Variants in BIVM observed in about 807,000 individuals in gnomAD.
BIVM encodes the protein basic, immunoglobulin-like variable motif containing.
Under a neutral mutation model 61.4 loss-of-function variants are expected in BIVM, and 31 were observed. The ratio of observed to expected loss-of-function variants is 0.51; its 90% CI spans 0.38 to 0.68. The LOEUF (loss-of-function observed/expected upper bound fraction) is 0.68, where lower values mean the gene tolerates loss of function less well. Among genes scored for constraint, BIVM ranks in the 30% least tolerant of loss-of-function variants. The probability of loss-of-function intolerance (pLI) is 0.00; values close to 1 mark genes in which losing one functional copy is unlikely to be tolerated. For synonymous variants in BIVM, 189 were observed against 210.7 expected (o/e 0.90, Z 0.89); for missense variants, 526 against 596.0 (o/e 0.88, Z 1.22).
chr13:102,804,573 A>G (rs1878945489), intron 1 of BIVM, among the ~76,000 whole-genome samples: 1 of 152,170 alleles, frequency 6.6e-6, no homozygotes, highest in African/African-American at 2.4e-5. Flanking sequence ...GGCCTCCTAC[A>G]GTGCTGGGAT....
At chr13:102,838,134 A>T (rs916358387) in intron 9 of BIVM, among the ~76,000 whole-genome samples, 2 of 152,188 alleles carry the variant, frequency 1.3e-5, no homozygotes, top group Non-Finnish European at 2.9e-5. Context: ...GATTTTTTTA[A>T]AATTTCATTT....
intron 7 of BIVM, among the ~76,000 whole-genome samples, chr13:102,826,967 A>G (rs964270400): frequency 6.6e-6 from 1 of 152,180 alleles, no homozygotes; most frequent in African/African-American, 2.4e-5. Flanking sequence ...AAGAACATAT[A>G]CTTTTATAAT....
intron 4 of BIVM, among the ~76,000 whole-genome samples, chr13:102,819,352 A>C (rs949393652): frequency 6.6e-6 from 1 of 152,232 alleles, no homozygotes; most frequent in African/African-American, 2.4e-5. Context: ...AGTGTACATG[A>C]TAAATTTGAT....
At chr13:102,817,141 C>A (rs1178559415) in intron 4 of BIVM, among the ~76,000 whole-genome samples, 4 of 152,120 alleles carry the variant, frequency 2.6e-5, no homozygotes, top group Non-Finnish European at 2.9e-5. Flanking sequence ...CAGTCTCCAC[C>A]CCACTTTCCC....
chr13:102,831,590 C>T lies in BIVM; in HGVS notation c.927C>T (p.Thr309=). Reference sequence around the variant, plus strand: ...CTTCAGGGGCCCTGTCAAAGTTAACCCGTGGATTGAAAGATGAATCGCTGG... The same window carrying T: ...CTTCAGGGGCCCTGTCAAAGTTAACTCGTGGATTGAAAGATGAATCGCTGG... ...ETASGALSKL[T]RGLKDESLAY... Residue 309 remains threonine, a synonymous_variant, in exon 8 of 11, where the codon ACC becomes ACT. Transcript: ENST00000257336. 1 of 1,614,022 alleles carries T rather than the reference C, an allele frequency of 6.2e-7. No individual in the cohort carries two copies. Among genetic ancestry groups the T allele is most frequent in the Non-Finnish European group, 8.5e-7 (1 of 1,179,992 alleles).
chr13:102,816,791 G>A (rs1317259055), intron 4 of BIVM: 4 of 241,724 alleles, frequency 1.7e-5, no homozygotes, highest in South Asian at 1.6e-4. Flanking sequence ...GTGACTCCAC[G>A]TAACTGCCAT....
chr13:102,812,595 T>G (rs978511566), intron 3 of BIVM, among the ~76,000 whole-genome samples: 1 of 152,220 alleles, frequency 6.6e-6, no homozygotes, highest in Non-Finnish European at 1.5e-5. Flanking sequence ...ATTTAAGGGC[T>G]TCTCAGGGAA....
intron 9 of BIVM, among the ~76,000 whole-genome samples, chr13:102,837,982 C>A (rs1448744821): frequency 1.3e-5 from 2 of 152,058 alleles, no homozygotes; most frequent in Non-Finnish European, 2.9e-5. Context: ...GCACTAAAAT[C>A]TCAGAAATCA....
At chr13:102,833,927 T>C (rs561735326) in intron 8 of BIVM, among the ~76,000 whole-genome samples, 2 of 152,326 alleles carry the variant, frequency 1.3e-5, no homozygotes, top group African/African-American at 4.8e-5. Context: ...TAAATCATGG[T>C]TTTAAACCAA....
chr13:102,832,965 T>A (rs1357043137), intron 8 of BIVM, among the ~76,000 whole-genome samples: 1 of 152,044 alleles, frequency 6.6e-6, no homozygotes, highest in African/African-American at 2.4e-5. Flanking sequence ...AAGGGAGAAG[T>A]ATCTAGTTAA....
rs566188937 is a variant in BIVM at position 102,821,472 on chromosome 13, T to G, written c.702-271T>G. On this transcript the variant is annotated intron_variant, in intron 5 of 10. Coordinates refer to ENST00000257336, the MANE Select transcript of BIVM (RefSeq NM_017693.4). ...AAACAACTAGCCAGGCACAATGGCA[T>G]GTACTTGTATTTCTAGTCTCTTAGG... 1.3e-3 allele frequency among the ~76,000 whole-genome samples: 202 copies of G among 152,060 alleles called. 1 individual carries two copies. The highest frequency in any genetic ancestry group is 2.5e-3 in the Non-Finnish European group (168 of 68,014).
chr13:102,832,896 T>C (rs1176653490), intron 8 of BIVM, among the ~76,000 whole-genome samples: 1 of 152,208 alleles, frequency 6.6e-6, no homozygotes, highest in Non-Finnish European at 1.5e-5. Context: ...ATGGTTTTTT[T>C]CCTGTTTAGC....
At position 102,807,771 on chromosome 13, in the gene BIVM, A is replaced by T. The variant is rs182115168; in HGVS notation, c.478+26A>T. 2.8e-4 allele frequency: 435 copies of T among 1,567,630 alleles called. 1 individual carries two copies. The African/African-American group carries it at 5.2e-3, about 19-fold the overall frequency. ...GTAAGGAGGGAGCCATGAAGTTCATATGTGAAAATAATGAGAAAACAAACA... is the reference window on the plus strand; with the variant it reads ...GTAAGGAGGGAGCCATGAAGTTCATTTGTGAAAATAATGAGAAAACAAACA... On this transcript the variant is annotated intron_variant, in intron 3 of 10. Coordinates refer to ENST00000257336, the MANE Select transcript of BIVM (RefSeq NM_017693.4). The surrounding 1 kb of genome is among the most constrained non-coding windows in gnomAD (Gnocchi z 4.0).
chr13:102,815,195 A>G (rs947372121), intron 3 of BIVM, among the ~76,000 whole-genome samples: 4 of 152,182 alleles, frequency 2.6e-5, no homozygotes, highest in African/African-American at 9.7e-5. Flanking sequence ...GTAGGTGTCA[A>G]ATGGTTTCTC....
chr13:102,809,585 T>C (rs919161682), intron 3 of BIVM, among the ~76,000 whole-genome samples: 1 of 152,218 alleles, frequency 6.6e-6, no homozygotes, highest in Non-Finnish European at 1.5e-5. Flanking sequence ...AAAAGAAGGG[T>C]GTTAAAAATC....
intron 3 of BIVM, among the ~76,000 whole-genome samples, chr13:102,814,368 C>A (rs1424642885): frequency 6.6e-6 from 1 of 152,018 alleles, no homozygotes; most frequent in East Asian, 1.9e-4. Context: ...TTATGAAGTA[C>A]GCTCATTTGG....
intron 4 of BIVM, among the ~76,000 whole-genome samples, chr13:102,818,331 A>T (rs1408719405): frequency 6.6e-6 from 1 of 152,116 alleles, no homozygotes; most frequent in Non-Finnish European, 1.5e-5. Context: ...ACATGTCATG[A>T]TCTGTTTCTT....
chr13:102,834,413 A>G (rs1881324177), intron 8 of BIVM, 53 bp from the exon 9 acceptor site: 4 of 1,506,232 alleles, frequency 2.7e-6, no homozygotes, highest in South Asian at 1.3e-5. Context: ...ATTTGAAGCA[A>G]TATACTCAAG....
chr13:102,809,409 C>T (rs1032335630), intron 3 of BIVM, among the ~76,000 whole-genome samples: 12 of 152,150 alleles, frequency 7.9e-5, no homozygotes, highest in Non-Finnish European at 1.2e-4. Context: ...GTTTTATGAC[C>T]CAACATATGG....
Sources: gnomAD v4.1 joint callset for allele counts (sites outside exome capture counted in the v4.1 genomes callset) on GRCh38, gnomAD v4.1.1 for gene constraint, Gnocchi (gnomAD v3.1) non-coding constraint, MANE v1.5 for transcripts, NCBI Gene and HGNC (gene_info 2026-07-23, HGNC 2026-07-21) for gene names.